Variants in VSTM2L observed in about 807,000 individuals in gnomAD.
VSTM2L encodes V-set and transmembrane domain containing 2 like.
A neutral mutation model predicts 19.9 loss-of-function variants in VSTM2L; 9 were observed. The ratio of observed to expected loss-of-function variants is 0.45; its 90% CI spans 0.27 to 0.79. The LOEUF (loss-of-function observed/expected upper bound fraction) is 0.79. VSTM2L is among the 30% of genes least tolerant of loss of function. VSTM2L has a pLI of 0.15. For missense variants in VSTM2L, 286 were observed against 295.5 expected, an observed-to-expected ratio of 0.97 and a Z score of 0.24; for synonymous variants, 127 against 133.8, an observed-to-expected ratio of 0.95 and a Z score of 0.35.
chr20:37,931,528 C>CCA, intron 1 of VSTM2L, 107 bp from the exon 2 acceptor site: 1 of 1,259,882 alleles, frequency 7.9e-7, no homozygotes, highest in Non-Finnish European at 1.1e-6. Flanking sequence ...CCCCTCCACC[C>CCA]ATCCCCCGCC....
intron 1 of VSTM2L, among the ~76,000 whole-genome samples, chr20:37,926,024 C>T (rs1226535781): frequency 6.6e-6 from 1 of 152,234 alleles, no homozygotes; most frequent in Non-Finnish European, 1.5e-5. Flanking sequence ...CCCTGCCCCA[C>T]AGGACTCTGC....
intron 1 of VSTM2L, among the ~76,000 whole-genome samples, chr20:37,926,284 A>G (rs955311996): frequency 6.6e-6 from 1 of 151,630 alleles, no homozygotes; most frequent in Non-Finnish European, 1.5e-5. Context: ...CTGGTCTTGA[A>G]CTCCTGACCT....
At chr20:37,927,729 A>G (rs906356137) in intron 1 of VSTM2L, among the ~76,000 whole-genome samples, 2 of 152,100 alleles carry the variant, frequency 1.3e-5, no homozygotes, top group African/African-American at 4.8e-5. Flanking sequence ...GGGCAGGAGG[A>G]GACTGAGTGG....
intron 1 of VSTM2L, among the ~76,000 whole-genome samples, chr20:37,930,495 T>G (rs1278669092): frequency 6.6e-6 from 1 of 152,096 alleles, no homozygotes. Flanking sequence ...CTGGGTGACC[T>G]GCACGTTGCC....
chr20:37,918,594 C>A (rs1490473564), intron 1 of VSTM2L, among the ~76,000 whole-genome samples: 1 of 152,008 alleles, frequency 6.6e-6, no homozygotes, highest in Non-Finnish European at 1.5e-5. Flanking sequence ...CTTCTTTTAA[C>A]CTGAATTTAT....
Position 37,910,927 on chromosome 20 carries a change from AAAAAAG to A in VSTM2L, c.121+7465_121+7470del, listed in dbSNP as rs1481118090. 9.3e-5 allele frequency among the ~76,000 whole-genome samples: 14 copies of A among 151,300 alleles called. No individual in the cohort carries two copies. In the South Asian group the frequency reaches 2.1e-3, roughly 23 times the overall value. ...GTGAGACCCTGTCTCTTAAAAAAAA[AAAAAAG>A]AAAAAGAAGAAGAAGAAGAAGAATA... On this transcript the variant is annotated intron_variant, in intron 1 of 3. Coordinates refer to ENST00000373461, the MANE Select transcript of VSTM2L (RefSeq NM_080607.3).
chr20:37,923,910 T>A (rs2072865899), intron 1 of VSTM2L, among the ~76,000 whole-genome samples: 1 of 152,156 alleles, frequency 6.6e-6, no homozygotes, highest in Admixed American at 6.5e-5. Context: ...ACCCACTCCA[T>A]AGCATCATGG....
intron 1 of VSTM2L, among the ~76,000 whole-genome samples, chr20:37,907,199 T>C (rs768702437): frequency 6.6e-6 from 1 of 152,216 alleles, no homozygotes; most frequent in Non-Finnish European, 1.5e-5. Context: ...CTCTGCCTCC[T>C]GGGTTCAAAT....
chr20:37,916,472 T>G (rs184301282), intron 1 of VSTM2L, among the ~76,000 whole-genome samples: 66 of 152,394 alleles, frequency 4.3e-4, no homozygotes, highest in African/African-American at 1.4e-3. Flanking sequence ...AATATTTTAG[T>G]TCTCCTTAAA....
intron 3 of VSTM2L, 137 bp downstream of exon 3, chr20:37,933,726 G>A (rs2072924012): frequency 1.2e-6 from 1 of 818,754 alleles, no homozygotes; most frequent in Non-Finnish European, 1.9e-6. Flanking sequence ...GAAAAAAATG[G>A]CCTTGCTCTG....
At position 37,931,621 on chromosome 20, in the gene VSTM2L, T is replaced by C. The variant is rs551420293; in HGVS notation, c.122-14T>C. The C allele has an allele frequency of 6.3e-7, 1 of 1,596,816 alleles. No homozygotes were observed. The highest frequency in any genetic ancestry group is 1.7e-5 in the Admixed American group (1 of 59,468). ...TCCTGAGCCCCGCCATTCTTCCCCCTGTTTCTTGCACAGCCCTGTTCACAG... is the reference window on the plus strand; with the variant it reads ...TCCTGAGCCCCGCCATTCTTCCCCCCGTTTCTTGCACAGCCCTGTTCACAG... On this transcript the variant is annotated splice_polypyrimidine_tract_variant and intron_variant, in intron 1 of 3. Coordinates refer to ENST00000373461, the MANE Select transcript of VSTM2L (RefSeq NM_080607.3).
intron 1 of VSTM2L, among the ~76,000 whole-genome samples, chr20:37,921,096 A>G (rs780973268): frequency 6.6e-6 from 1 of 152,080 alleles, no homozygotes; most frequent in Non-Finnish European, 1.5e-5. Context: ...CATATAACAC[A>G]CTCAGCATCT....
intron 1 of VSTM2L, among the ~76,000 whole-genome samples, chr20:37,929,807 G>T (rs1600570403): frequency 6.6e-6 from 1 of 152,164 alleles, no homozygotes; most frequent in South Asian, 2.1e-4. Context: ...AGGGAGAGTG[G>T]AGGGAGGGAG....
In VSTM2L at chr20:37,944,325, G is replaced by C. The variant is rs1291320302; in HGVS notation, c.*72G>C. 7.4e-7 allele frequency: 1 copy of C among 1,347,310 alleles called. No individual in the cohort carries two copies. Among genetic ancestry groups the C allele is most frequent in the Non-Finnish European group, 9.7e-7 (1 of 1,035,404 alleles). The allele number at this position is 1,347,310 out of a possible 1,614,324, so 83.5% of individuals were successfully genotyped here. A position where few individuals can be genotyped will look rare whatever the true frequency, so the allele number is the denominator to read the frequency against. On this transcript the variant is annotated 3_prime_UTR_variant, in exon 4 of 4. Transcript: ENST00000373461. Reference sequence around the variant, plus strand: ...GCATGAGGAGCCGCCGGACCACCGGGGACCGACTGCCTGCGTCCAGCCGCG... The same window carrying C: ...GCATGAGGAGCCGCCGGACCACCGGCGACCGACTGCCTGCGTCCAGCCGCG...
At chr20:37,939,669 G>A (rs2072960577) in intron 3 of VSTM2L, among the ~76,000 whole-genome samples, 1 of 152,196 alleles carries the variant, frequency 6.6e-6, no homozygotes, top group South Asian at 2.1e-4. Context: ...TTCACTCGCT[G>A]AGTTGCTTGA....
chr20:37,928,766 G>T (rs1056576950), intron 1 of VSTM2L, among the ~76,000 whole-genome samples: 3 of 152,098 alleles, frequency 2.0e-5, no homozygotes, highest in Admixed American at 1.3e-4. Context: ...AAAATAAAAT[G>T]TATTTATTGA....
intron 1 of VSTM2L, among the ~76,000 whole-genome samples, chr20:37,923,319 C>A (rs1329958594): frequency 6.6e-6 from 1 of 152,172 alleles, no homozygotes; most frequent in Non-Finnish European, 1.5e-5. Flanking sequence ...CTGCCTTTCC[C>A]AGAAGCCAAA....
At chr20:37,907,653 CCACACACACACACCCCTA>C (rs1326471088) in intron 1 of VSTM2L, among the ~76,000 whole-genome samples, 2 of 151,232 alleles carry the variant, frequency 1.3e-5, no homozygotes, top group African/African-American at 2.4e-5. Flanking sequence ...CCCCACCCTG[CCACACACACACACCCCTA>C]CACACACACA....
chr20:37,917,733 C>T (rs940593381), intron 1 of VSTM2L, among the ~76,000 whole-genome samples: 2 of 152,214 alleles, frequency 1.3e-5, no homozygotes, highest in South Asian at 2.1e-4. Context: ...CACACCAGCA[C>T]TTCCTGTGGG....
Sources: allele counts gnomAD v4.1 joint callset (sites outside exome capture counted in the v4.1 genomes callset), GRCh38; gene constraint gnomAD v4.1.1; transcripts MANE v1.5; gene names NCBI Gene and HGNC (gene_info 2026-07-23, HGNC 2026-07-21).